SAMD12: variants seen among roughly 807,000 people sequenced by gnomAD.
SAMD12 encodes sterile alpha motif domain containing 12, also known as sterile alpha motif domain-containing protein 12.
Under a neutral mutation model 15.0 loss-of-function variants are expected in SAMD12, and 9 were observed. That is an observed-to-expected ratio of 0.60 (90% CI 0.36 to 1.05). SAMD12 has a LOEUF of 1.05. Ranked by LOEUF, SAMD12 falls within the 50% of genes least tolerant of loss-of-function variation. SAMD12 has a pLI of 0.01. For synonymous variants in SAMD12, 86 were observed against 90.1 expected, an observed-to-expected ratio of 0.96 and a Z score of 0.25; for missense variants, 230 against 234.2, an observed-to-expected ratio of 0.98 and a Z score of 0.12.
downstream of SAMD12, among the ~76,000 whole-genome samples, chr8:118,185,217 CTTAT>C (rs2129707824): frequency 6.6e-6 from 1 of 152,174 alleles, no homozygotes; most frequent in African/African-American, 2.4e-5. Context: ...TAATTATGCA[CTTAT>C]TTTATTTTAA....
chr8:118,519,156 T>C (rs1825324096), intron 2 of SAMD12, among the ~76,000 whole-genome samples: 1 of 152,184 alleles, frequency 6.6e-6, no homozygotes, highest in South Asian at 2.1e-4. Flanking sequence ...CTGGCTTGCT[T>C]TCTCAATTGC....
chr8:118,283,728 T>G (rs75126058), intron 4 of SAMD12, among the ~76,000 whole-genome samples: 2,027 of 152,286 alleles, frequency 0.013, 23 homozygotes, highest in Non-Finnish European at 0.019. Flanking sequence ...TGGCTAGAAC[T>G]TAGGCAGATG....
chr8:118,406,877 TAAC>T (rs1821153927), intron 3 of SAMD12, among the ~76,000 whole-genome samples: 1 of 145,534 alleles, frequency 6.9e-6, no homozygotes, highest in Non-Finnish European at 1.5e-5. Flanking sequence ...TTTTAAAGCT[TAAC>T]AATATTCCAT....
At chr8:118,436,724 T>C (rs1376273755) in intron 3 of SAMD12, among the ~76,000 whole-genome samples, 4 of 152,218 alleles carry the variant, frequency 2.6e-5, no homozygotes, top group African/African-American at 7.2e-5. Context: ...TTCCCTTAGA[T>C]GCTTCTTTCC....
chr8:118,444,579 C>CATATAAT (rs1822854457), intron 2 of SAMD12, among the ~76,000 whole-genome samples: 1 of 149,038 alleles, frequency 6.7e-6, no homozygotes, highest in Non-Finnish European at 1.5e-5. Context: ...TTTATTTACT[C>CATATAAT]ATATAATAAA....
At chr8:118,559,849 T>C (rs1826655854) in intron 2 of SAMD12, among the ~76,000 whole-genome samples, 1 of 152,170 alleles carries the variant, frequency 6.6e-6, no homozygotes, top group Admixed American at 6.5e-5. Context: ...CAATTTGAAA[T>C]TGATTATGTG....
chr8:118,418,943 C>G (rs141826704), intron 3 of SAMD12, among the ~76,000 whole-genome samples: 5 of 152,264 alleles, frequency 3.3e-5, no homozygotes, highest in Middle Eastern at 3.4e-3. Flanking sequence ...CCTTTCTCTT[C>G]TATTTCTAAT....
chr8:118,380,748 C>T (rs1163243721), intron 3 of SAMD12, among the ~76,000 whole-genome samples: 2 of 152,180 alleles, frequency 1.3e-5, no homozygotes, highest in Non-Finnish European at 1.5e-5. Flanking sequence ...ATACATTTCA[C>T]AAGGAGACAG....
chr8:118,320,860 A>C (rs1000051787), intron 4 of SAMD12, among the ~76,000 whole-genome samples: 7 of 149,060 alleles, frequency 4.7e-5, no homozygotes, highest in African/African-American at 1.7e-4. Flanking sequence ...AGAACAATGC[A>C]TGTGTGTCTT....
At chr8:118,561,661 A>T (rs1826704585) in intron 2 of SAMD12, among the ~76,000 whole-genome samples, 2 of 152,200 alleles carry the variant, frequency 1.3e-5, no homozygotes, top group South Asian at 4.1e-4. Context: ...CAAGAACAGC[A>T]CGGAGATAAC....
At chr8:118,159,772 A>G in the SAMD12 span, among the ~76,000 whole-genome samples, 1 of 150,328 alleles carries the variant, frequency 6.7e-6, no homozygotes, top group Admixed American at 6.6e-5. Flanking sequence ...CTGCAGCGCA[A>G]TGGTACGATC....
chr8:118,346,647 C>T lies in SAMD12; in HGVS notation c.433+32913G>A, dbSNP rs924716788. 2.0e-4 allele frequency among the ~76,000 whole-genome samples: 30 copies of T among 152,078 alleles called. 1 individual carries two copies. Among genetic ancestry groups the T allele is most frequent in the Non-Finnish European group, 2.9e-5 (2 of 68,024 alleles). ...TCTCTAAGAGCAACCCCAGGTTCTG[C>T]GATTCACTAGGAGAACTCACAGGAC... On this transcript the variant is annotated intron_variant, in intron 4 of 4. Coordinates refer to the SAMD12 transcript ENST00000409003.
chr8:118,442,655 A>G (rs1325891493), intron 2 of SAMD12, among the ~76,000 whole-genome samples: 3 of 152,310 alleles, frequency 2.0e-5, no homozygotes, highest in East Asian at 3.9e-4. Context: ...ATCACTTACC[A>G]CCATGTTTCA....
At chr8:118,257,651 T>C (rs934793561) in intron 4 of SAMD12, among the ~76,000 whole-genome samples, 1 of 152,070 alleles carries the variant, frequency 6.6e-6, no homozygotes, top group Non-Finnish European at 1.5e-5. Context: ...CTGAGGATCA[T>C]CTGCTACCAG....
chr8:118,214,037 G>C (rs1247260375), intron 4 of SAMD12, among the ~76,000 whole-genome samples: 1 of 152,208 alleles, frequency 6.6e-6, no homozygotes. Context: ...TAGAGTTCAT[G>C]AGTTTGATGC....
chr8:118,227,236 GC>G (rs1812207462), intron 4 of SAMD12, among the ~76,000 whole-genome samples: 1 of 152,112 alleles, frequency 6.6e-6, no homozygotes, highest in East Asian at 1.9e-4. Context: ...GGAGCTGGAG[GC>G]CATTATCCTT....
At chr8:118,547,737 C>G (rs183929479) in intron 2 of SAMD12, among the ~76,000 whole-genome samples, 23 of 152,228 alleles carry the variant, frequency 1.5e-4, no homozygotes, top group African/African-American at 5.3e-4. Context: ...TTTTCTATAC[C>G]ATATAAAATA....
chr8:118,152,145 T>C, the SAMD12 span, among the ~76,000 whole-genome samples: 1 of 152,082 alleles, frequency 6.6e-6, no homozygotes, highest in Admixed American at 6.5e-5. Context: ...AATTGGCAAA[T>C]AGAACCTCTG....
intron 4 of SAMD12, among the ~76,000 whole-genome samples, chr8:118,213,403 C>T (rs138621160): frequency 1.3e-5 from 2 of 152,198 alleles, no homozygotes; most frequent in Non-Finnish European, 2.9e-5. Flanking sequence ...GACAGGCCCA[C>T]ATGGAGGGCA....
Sources: gnomAD v4.1 joint callset for allele counts (sites outside exome capture counted in the v4.1 genomes callset) on GRCh38, gnomAD v4.1.1 for gene constraint, MANE v1.5 for transcripts, NCBI Gene and HGNC (gene_info 2026-07-23, HGNC 2026-07-21) for gene names.